The following SLC7A2 variants were observed in gnomAD, a reference collection of about 807,000 sequenced individuals.
SLC7A2 encodes solute carrier family 7 member 2.
Under a neutral mutation model 58.9 loss-of-function variants are expected in SLC7A2, and 48 were observed. That is an observed-to-expected ratio of 0.82 (90% CI 0.65 to 1.04). The LOEUF (loss-of-function observed/expected upper bound fraction) is 1.04, where lower values mean the gene tolerates loss of function less well. Among genes scored for constraint, SLC7A2 ranks in the 50% least tolerant of loss-of-function variants. The probability of loss-of-function intolerance (pLI) is 0.00; values close to 1 mark genes in which losing one functional copy is unlikely to be tolerated. For synonymous variants in SLC7A2, 363 were observed against 314.5 expected, an observed-to-expected ratio of 1.15 and a Z score of -1.63; for missense variants, 1,029 against 818.8, an observed-to-expected ratio of 1.26 and a Z score of -3.13.
intron 2 of SLC7A2, among the ~76,000 whole-genome samples, chr8:17,513,659 G>A (rs549685909): frequency 5.9e-5 from 9 of 152,130 alleles, no homozygotes; most frequent in Non-Finnish European, 5.9e-5. Context: ...CTGAGATGAG[G>A]CCTTAATTGA....
Position 17,563,686 on chromosome 8 carries a change from C to G in SLC7A2, c.1755C>G (p.Val585=), listed in dbSNP as rs1421887401. The G allele has an allele frequency of 1.9e-6, 3 of 1,609,624 alleles. No individual in the cohort carries two copies. Among genetic ancestry groups the G allele is most frequent in the East Asian group, 2.2e-5 (1 of 44,838 alleles). Residue 585 remains valine, a synonymous_variant, in exon 12 of 13, where the codon GTC becomes GTG. Coordinates refer to ENST00000494857, the MANE Select transcript of SLC7A2 (RefSeq NM_001370338.1). The part of the protein sequence containing the change: ...LMVQLSADTW[V]RFSIWMAIGF... ...TCCAGTTAAGTGCAGACACTTGGGT[C>G]AGATTCAGCATTTGGATGGCAATTG...
chr8:17,570,477 A>T lies in SLC7A2; in HGVS notation c.*5331A>T, dbSNP rs905360079. On this transcript the variant is annotated 3_prime_UTR_variant, in exon 13 of 13. Transcript: ENST00000494857. ...TTATAAAGTTGGATTCTTTTTTAGA[A>T]TTTGTAATAAATAAAAACTGCTGCT... The T allele has an allele frequency of 1.3e-5, 2 of 152,570 alleles. No homozygotes were observed. The highest frequency in any genetic ancestry group is 4.8e-5 in the African/African-American group (2 of 41,430). 9.5% of individuals were successfully genotyped at this position (152,570 alleles called of 1,614,324 possible).
intron 2 of SLC7A2, among the ~76,000 whole-genome samples, chr8:17,532,327 T>G (rs1029309419): frequency 1.4e-5 from 2 of 147,074 alleles, no homozygotes; most frequent in Non-Finnish European, 3.0e-5. Flanking sequence ...CCAGGAAAGC[T>G]TCCCTGCTGC....
intron 2 of SLC7A2, among the ~76,000 whole-genome samples, chr8:17,541,722 G>T (rs1412242854): frequency 2.0e-5 from 3 of 152,070 alleles, no homozygotes; most frequent in Non-Finnish European, 4.4e-5. Flanking sequence ...CATATAAGTT[G>T]TACATATTCA....
chr8:17,530,046 C>G (rs1261880223), intron 2 of SLC7A2, among the ~76,000 whole-genome samples: 1 of 152,148 alleles, frequency 6.6e-6, no homozygotes, highest in Non-Finnish European at 1.5e-5. Flanking sequence ...CCTCTTATCT[C>G]TCTTGCCGGC....
At chr8:17,544,732 C>G (rs903753334) in intron 4 of SLC7A2, 126 bp downstream of exon 4, 3 of 742,774 alleles carry the variant, frequency 4.0e-6, no homozygotes, top group Non-Finnish European at 4.3e-6. Context: ...ATTTATGTCA[C>G]TGTTAGACAT....
In SLC7A2 at chr8:17,558,519, T is replaced by TG. The variant is rs1563481270; in HGVS notation, c.1298+122_1298+123insG. The TG allele has an allele frequency of 2.7e-5, 15 of 555,530 alleles. 1 individual carries two copies. The highest frequency in any genetic ancestry group is 2.9e-5 in the Non-Finnish European group (9 of 307,184). The allele number at this position is 555,530 out of a possible 1,614,324, so 34.4% of individuals were successfully genotyped here. On this transcript the variant is annotated intron_variant, in intron 9 of 12. Transcript: ENST00000494857. ...AGTCTCACCAAGGTGAGAGGTCACATCTAACAAAATAGCAATGAAAAGTGG... is the reference window on the plus strand; with the variant it reads ...AGTCTCACCAAGGTGAGAGGTCACATGCTAACAAAATAGCAATGAAAAGTGG...
At chr8:17,514,992 G>A (rs1458930947) in intron 2 of SLC7A2, among the ~76,000 whole-genome samples, 1 of 152,152 alleles carries the variant, frequency 6.6e-6, no homozygotes, top group Non-Finnish European at 1.5e-5. Flanking sequence ...TACATACATG[G>A]GTAGAGCTAT....
rs1231733414 is a variant in SLC7A2 at position 17,539,313 on chromosome 8, C to CT, written c.-22-4003dup. ...AATAAGGTGCGTAGAAATGGTTATACTTAAGTTTGGGGCACAATGGGCGTG... is the reference window on the plus strand; with the variant it reads ...AATAAGGTGCGTAGAAATGGTTATACTTTAAGTTTGGGGCACAATGGGCGTG... On this transcript the variant is annotated intron_variant, in intron 2 of 12. Coordinates refer to ENST00000494857, the MANE Select transcript of SLC7A2 (RefSeq NM_001370338.1). Among the ~76,000 whole-genome samples the CT allele has an allele frequency of 2.6e-5, 4 of 152,212 alleles. No homozygotes were observed. The East Asian group carries it at 7.7e-4, about 29-fold the overall frequency.
rs1362316537 is a variant in SLC7A2, at chr8:17,568,874, G to T, written c.*3728G>T. 1 of 152,022 alleles carries T rather than the reference G, an allele frequency of 6.6e-6. No homozygotes were observed. The highest frequency in any genetic ancestry group is 2.4e-5 in the African/African-American group (1 of 41,468). The allele number at this position is 152,022 out of a possible 1,614,324, so 9.4% of individuals were successfully genotyped here. On this transcript the variant is annotated 3_prime_UTR_variant, in exon 13 of 13. Transcript: ENST00000494857. ...AGCTACTGGGGGTGCTGAGGTGGGAGGATCGCTTGAGCCCAGGAGAGTGAG... is the reference window on the plus strand; with the variant it reads ...AGCTACTGGGGGTGCTGAGGTGGGATGATCGCTTGAGCCCAGGAGAGTGAG...
chr8:17,545,608 G>A (rs1251692380), intron 4 of SLC7A2, among the ~76,000 whole-genome samples: 1 of 151,802 alleles, frequency 6.6e-6, no homozygotes. Context: ...ATGTTGGCCA[G>A]GCTGGTCTCA....
At chr8:17,536,015 T>C (rs947641555) in intron 2 of SLC7A2, among the ~76,000 whole-genome samples, 5 of 152,026 alleles carry the variant, frequency 3.3e-5, no homozygotes, top group South Asian at 2.1e-4. Context: ...TTCTCCAGTA[T>C]GGTAAAATAT....
intron 1 of SLC7A2, among the ~76,000 whole-genome samples, chr8:17,501,234 G>C (rs1800148681): frequency 6.6e-6 from 1 of 152,026 alleles, no homozygotes; most frequent in Non-Finnish European, 1.5e-5. Flanking sequence ...GGTTGGTCTC[G>C]AAATCCTGGC....
At chr8:17,536,905 T>C (rs1464279300) in intron 2 of SLC7A2, among the ~76,000 whole-genome samples, 1 of 152,098 alleles carries the variant, frequency 6.6e-6, no homozygotes, top group East Asian at 1.9e-4. Flanking sequence ...GTCCAAACCA[T>C]GTCGGGGAAT....
At chr8:17,547,785 AGTGTGTGT>A (rs35052068) in intron 4 of SLC7A2, among the ~76,000 whole-genome samples, 7,106 of 144,778 alleles carry the variant, frequency 0.049, 259 homozygotes, top group South Asian at 0.14. Context: ...GGCACAAAAG[AGTGTGTGT>A]GTGTGTGTGT....
intron 4 of SLC7A2, among the ~76,000 whole-genome samples, chr8:17,545,575 T>A (rs1304365571): frequency 6.6e-6 from 1 of 152,006 alleles, no homozygotes; most frequent in Admixed American, 6.6e-5. Context: ...TTTTTGTATT[T>A]TTAGTAGAGA....
intron 6 of SLC7A2, among the ~76,000 whole-genome samples, chr8:17,550,778 A>C (rs977713532): frequency 6.6e-6 from 1 of 152,222 alleles, no homozygotes; most frequent in East Asian, 1.9e-4. Flanking sequence ...GTGCTGTCAC[A>C]TGGGCCATAC....
At chr8:17,504,477 T>G (rs1800287779) in intron 2 of SLC7A2, among the ~76,000 whole-genome samples, 1 of 152,244 alleles carries the variant, frequency 6.6e-6, no homozygotes, top group Non-Finnish European at 1.5e-5. Context: ...TTGATAGAAT[T>G]GCCAGTGGTT....
At chr8:17,523,024 G>C (rs1361344331) in intron 2 of SLC7A2, among the ~76,000 whole-genome samples, 2 of 152,074 alleles carry the variant, frequency 1.3e-5, no homozygotes, top group Non-Finnish European at 2.9e-5. Context: ...GACAGAGGGA[G>C]ACCCTGTATC....
Sources: allele counts gnomAD v4.1 joint callset (sites outside exome capture counted in the v4.1 genomes callset), GRCh38; gene constraint gnomAD v4.1.1; transcripts MANE v1.5; gene names NCBI Gene and HGNC (gene_info 2026-07-23, HGNC 2026-07-21).